BCAR3: variants seen among roughly 807,000 people sequenced by gnomAD.
BCAR3 encodes the protein breast cancer anti-estrogen resistance protein 3.
Under a neutral mutation model 80.1 loss-of-function variants are expected in BCAR3, and 37 were observed. That is an observed-to-expected ratio of 0.46 (90% CI 0.36 to 0.61). The LOEUF (loss-of-function observed/expected upper bound fraction) is 0.61. Among genes scored for constraint, BCAR3 ranks in the 20% least tolerant of loss-of-function variants. The probability of loss-of-function intolerance (pLI) is 0.00; values close to 1 mark genes in which losing one functional copy is unlikely to be tolerated. For missense variants in BCAR3, 978 were observed against 1,068.2 expected, an observed-to-expected ratio of 0.92 and a Z score of 1.18; for synonymous variants, 389 against 418.9, an observed-to-expected ratio of 0.93 and a Z score of 0.87.
At chr1:93,601,316 T>C (rs779413149) in intron 3 of BCAR3, among the ~76,000 whole-genome samples, 6 of 152,226 alleles carry the variant, frequency 3.9e-5, no homozygotes, top group Non-Finnish European at 8.8e-5. Flanking sequence ...TTAGTTCTAA[T>C]GGAATAAAAA....
intron 3 of BCAR3, among the ~76,000 whole-genome samples, chr1:93,691,848 C>T (rs1477449181): frequency 6.6e-6 from 1 of 152,074 alleles, no homozygotes; most frequent in Non-Finnish European, 1.5e-5. Flanking sequence ...TGAATATGTA[C>T]AATTCACTCC....
intron 4 of BCAR3, among the ~76,000 whole-genome samples, chr1:93,591,508 C>T (rs1674189671): frequency 2.6e-5 from 4 of 152,036 alleles, no homozygotes. Context: ...ACATGATGCC[C>T]TTCCCCCCAG....
At chr1:93,762,169 C>T (rs1201288207) in intron 2 of BCAR3, among the ~76,000 whole-genome samples, 1 of 152,210 alleles carries the variant, frequency 6.6e-6, no homozygotes, top group Non-Finnish European at 1.5e-5. Flanking sequence ...GACAGCAGCA[C>T]CAGGGACCAG....
intron 2 of BCAR3, among the ~76,000 whole-genome samples, chr1:93,661,715 C>T (rs981281297): frequency 2.0e-5 from 3 of 152,204 alleles, no homozygotes; most frequent in Admixed American, 6.5e-5. Flanking sequence ...TCTCGAACTC[C>T]TGACCTCAGG....
At position 93,589,240 on chromosome 1, in the gene BCAR3, C is replaced by G. The variant is rs778412538; in HGVS notation, c.666G>C (p.Glu222Asp). ...CCAGGCCGGGGATGGAGTCGAAGCT[C>G]TCCATCTCGAACTGGTACTGCACGC... Reference protein sequence around the residue: ...YSRVQYQFEMESFDSIPGLVR... With the variant: ...YSRVQYQFEMDSFDSIPGLVR... Residue 222 changes from glutamate to aspartate, a missense_variant, in exon 5 of 12, where the codon GAG (glutamate) becomes GAC (aspartate). By Grantham distance (45) the Glu-to-Asp change is conservative. Coordinates refer to ENST00000260502, the MANE Select transcript of BCAR3 (RefSeq NM_003567.4). 7 of 1,614,050 alleles carry G rather than the reference C, an allele frequency of 4.3e-6. No homozygotes were observed. The South Asian group carries it at 5.5e-5, about 13-fold the overall frequency.
chr1:93,563,246 G>A (rs1430139887), intron 11 of BCAR3, among the ~76,000 whole-genome samples: 2 of 152,146 alleles, frequency 1.3e-5, no homozygotes, highest in Non-Finnish European at 2.9e-5. Context: ...CCACTGATCT[G>A]CTTTCTGTTG....
intron 2 of BCAR3, among the ~76,000 whole-genome samples, chr1:93,742,095 C>T (rs528547068): frequency 6.6e-6 from 1 of 152,172 alleles, no homozygotes; most frequent in Non-Finnish European, 1.5e-5. Context: ...AACAGTGTTC[C>T]TCACTCCTAA....
intron 1 of BCAR3, among the ~76,000 whole-genome samples, chr1:93,679,290 T>G (rs756791381): frequency 6.6e-6 from 1 of 152,042 alleles, no homozygotes; most frequent in Non-Finnish European, 1.5e-5. Context: ...CAGATAAGAG[T>G]CACTGTATCT....
chr1:93,580,278 T>C (rs1673644696), intron 7 of BCAR3, among the ~76,000 whole-genome samples: 1 of 152,248 alleles, frequency 6.6e-6, no homozygotes, highest in East Asian at 1.9e-4. Flanking sequence ...ATTCAACACA[T>C]AGGAAGGAAA....
chr1:93,834,143 G>A (rs1412679472), intron 2 of BCAR3, among the ~76,000 whole-genome samples: 1 of 152,108 alleles, frequency 6.6e-6, no homozygotes, highest in Non-Finnish European at 1.5e-5. Flanking sequence ...CCATCCCACA[G>A]CACGCTTTAA....
At chr1:93,657,915 T>A (rs768866571) in intron 2 of BCAR3, among the ~76,000 whole-genome samples, 1 of 151,446 alleles carries the variant, frequency 6.6e-6, no homozygotes, top group Non-Finnish European at 1.5e-5. Context: ...AATCAATCAG[T>A]CAGAAACAAG....
rs188210775 is a variant in BCAR3 at position 93,607,013 on chromosome 1, G to A, written c.358-14620C>T. ...GCTGAGTGGCCAATGGAAAGGGAGG[G>A]AGTAAAGACTGTGTTAACTTACAAG... On this transcript the variant is annotated intron_variant, in intron 3 of 11. Transcript: ENST00000260502. Among the ~76,000 whole-genome samples, 37 of 152,252 alleles carry A rather than the reference G, an allele frequency of 2.4e-4. No homozygotes were observed. The East Asian group carries it at 4.3e-3, about 18-fold the overall frequency.
At chr1:93,695,280 A>G (rs913808871) in intron 3 of BCAR3, among the ~76,000 whole-genome samples, 26 of 152,054 alleles carry the variant, frequency 1.7e-4, no homozygotes, top group African/African-American at 6.0e-4. Flanking sequence ...GAGAAACCCC[A>G]CAACCCTGCA....
chr1:93,745,507 C>T (rs1026293357), intron 2 of BCAR3, among the ~76,000 whole-genome samples: 9 of 149,604 alleles, frequency 6.0e-5, no homozygotes, highest in African/African-American at 2.3e-4. Flanking sequence ...TTTTATCTTT[C>T]TCCTACCCCC....
intron 2 of BCAR3, among the ~76,000 whole-genome samples, chr1:93,709,071 G>T (rs375780330): frequency 1.3e-5 from 2 of 152,156 alleles, no homozygotes; most frequent in African/African-American, 4.8e-5. Context: ...AGCTAAGTAG[G>T]CTTTGTTCTG....
At chr1:93,744,360 G>A (rs1651282496) in intron 2 of BCAR3, among the ~76,000 whole-genome samples, 1 of 152,122 alleles carries the variant, frequency 6.6e-6, no homozygotes, top group Admixed American at 6.5e-5. Flanking sequence ...CCCATAAAAT[G>A]AGCCTACTTT....
In BCAR3 at chr1:93,592,544, G is replaced by A; in HGVS notation, c.358-151C>T. 1 of 1,109,504 alleles carries A rather than the reference G, an allele frequency of 9.0e-7. No homozygotes were observed. The highest frequency in any genetic ancestry group is 1.2e-6 in the Non-Finnish European group (1 of 801,236). The allele number at this position is 1,109,504 out of a possible 1,614,324, so 68.7% of individuals were successfully genotyped here. A position where few individuals can be genotyped will look rare whatever the true frequency, so the allele number is the denominator to read the frequency against. Reference sequence around the variant, plus strand: ...CTGGATAATGATTACAAAGAGCTGTGACCTTTCGTTTCTCCGGCCGCAACC... The same window carrying A: ...CTGGATAATGATTACAAAGAGCTGTAACCTTTCGTTTCTCCGGCCGCAACC... On this transcript the variant is annotated intron_variant, in intron 3 of 11. Coordinates refer to ENST00000260502, the MANE Select transcript of BCAR3 (RefSeq NM_003567.4). The surrounding 1 kb of genome is among the most constrained non-coding windows in gnomAD (Gnocchi z 4.8).
chr1:93,830,247 G>T (rs1181644783), intron 2 of BCAR3, among the ~76,000 whole-genome samples: 1 of 152,144 alleles, frequency 6.6e-6, no homozygotes, highest in Non-Finnish European at 1.5e-5. Flanking sequence ...TGGATCACAA[G>T]GTCAGGAGTT....
At chr1:93,757,631 G>A (rs1446819059) in intron 2 of BCAR3, among the ~76,000 whole-genome samples, 1 of 152,200 alleles carries the variant, frequency 6.6e-6, no homozygotes, top group East Asian at 1.9e-4. Flanking sequence ...CAGAGGGCTA[G>A]GCAGGCATCC....
Sources: gnomAD v4.1 joint callset for allele counts (sites outside exome capture counted in the v4.1 genomes callset) on GRCh38, gnomAD v4.1.1 for gene constraint, Gnocchi (gnomAD v3.1) non-coding constraint, MANE v1.5 for transcripts, NCBI Gene and HGNC (gene_info 2026-07-23, HGNC 2026-07-21) for gene names.